The following VCP variants were observed in gnomAD, a reference collection of about 807,000 sequenced individuals.
VCP encodes the protein transitional endoplasmic reticulum ATPase.
A neutral mutation model predicts 85.7 loss-of-function variants in VCP; 6 were observed. The ratio of observed to expected loss-of-function variants is 0.07; its 90% CI spans 0.04 to 0.14. VCP has a LOEUF of 0.14. Among genes scored for constraint, VCP ranks in the 10% least tolerant of loss-of-function variants. The pLI is 1.00. For missense variants in VCP, 353 were observed against 1,043.4 expected (o/e 0.34, Z 9.12); for synonymous variants, 384 against 367.1 (o/e 1.05, Z -0.53).
chr9:35,063,134 A>G, intron 6 of VCP, 54 bp from the exon 7 acceptor site: 1 of 1,551,778 alleles, frequency 6.4e-7, no homozygotes, highest in Non-Finnish European at 8.9e-7. Context: ...AAACCCTAAA[A>G]TGGCTTGACT....
chr9:35,057,503 C>G lies in VCP; in HGVS notation c.2188G>C (p.Glu730Gln). Reference sequence around the variant, plus strand: ...TCTTCAAAGTGATCTCGACGGATCTCAGGCACTGGATCATCCTCTTCTACC... The same window carrying G: ...TCTTCAAAGTGATCTCGACGGATCTGAGGCACTGGATCATCCTCTTCTACC... ...MEVEEDDPVP[E>Q]IRRDHFEEAM... Residue 730 changes from glutamate to glutamine, a missense_variant, in exon 16 of 17, where the codon GAG becomes CAG. Physicochemically the swap from Glu to Gln is conservative, Grantham distance 29. This residue lies in a region of VCP where 93 missense variants were observed against 197.1 expected (regional missense o/e 0.47). Coordinates refer to ENST00000358901, the MANE Select transcript of VCP (RefSeq NM_007126.5). The G allele has an allele frequency of 6.2e-7, 1 of 1,612,598 alleles. No individual in the cohort carries two copies. Among genetic ancestry groups the G allele is most frequent in the Non-Finnish European group, 8.5e-7 (1 of 1,180,038 alleles).
Position 35,064,181 on chromosome 9 carries a change from A to C in VCP, c.681T>G (p.Pro227=). 1 of 1,614,242 alleles carries C rather than the reference A, an allele frequency of 6.2e-7. No homozygotes were observed. Among genetic ancestry groups the C allele is most frequent in the Non-Finnish European group, 8.5e-7 (1 of 1,180,032 alleles). ...KEMVELPLRH[P]ALFKAIGVKP... ...TCACACCAATTGCCTTAAAGAGGGC[A>C]GGATGTCTCAGGGGCAGTTCCACCA... Residue 227 remains proline (P), a synonymous_variant, in exon 6 of 17, where the codon CCT becomes CCG. Transcript: ENST00000358901.
rs1401092893 is a variant in VCP, at chr9:35,059,809, A to G, written c.1696-8T>C. ...GGGGGCAGCTTGGCGGGCCTGTAGG[A>G]GGAATGGATTGATTCAAGCACTAAC... On this transcript the variant is annotated splice_polypyrimidine_tract_variant and splice_region_variant and intron_variant, in intron 13 of 16. Coordinates refer to ENST00000358901, the MANE Select transcript of VCP (RefSeq NM_007126.5). This position sits in a 1 kb window ranked among gnomAD's most constrained non-coding sequence, Gnocchi z 4.9. 9 of 1,613,956 alleles carry G rather than the reference A, an allele frequency of 5.6e-6. No homozygotes were observed. The highest frequency in any genetic ancestry group is 5.9e-6 in the Non-Finnish European group (7 of 1,180,026).
rs755607327 is a variant in VCP at position 35,066,670 on chromosome 9, C to G, written c.445+5G>C. ...ATAATCCTTAAGCTCAGAATTAGCT[C>G]TCACCTTTCCGGATGGGTCGATACG... On this transcript the variant is annotated splice_donor_5th_base_variant and intron_variant, in intron 4 of 16. Transcript: ENST00000358901. The G allele has an allele frequency of 1.2e-6, 2 of 1,614,020 alleles. No homozygotes were observed. The highest frequency in any genetic ancestry group is 1.7e-6 in the Non-Finnish European group (2 of 1,180,004).
chr9:35,067,599 C>T (rs1027333062), intron 3 of VCP, among the ~76,000 whole-genome samples: 2 of 152,080 alleles, frequency 1.3e-5, no homozygotes, highest in African/African-American at 4.8e-5. Flanking sequence ...TATCCTAAGC[C>T]AGGATATAAG....
Position 35,059,574 on chromosome 9 carries a change from C to T in VCP, c.1923G>A (p.Gln641=), listed in dbSNP as rs1563976318. 3 of 1,614,136 alleles carry T rather than the reference C, an allele frequency of 1.9e-6. No homozygotes were observed. The South Asian group carries it at 3.3e-5, about 18-fold the overall frequency. ...PAILRPGRLD[Q]LIYIPLPDEK... is the part of the protein sequence containing the mutation. ...CATCAGGAAGTGGGATGTAGATGAG[C>T]TGATCAAGACGGCCAGGTCTGAGGA... Residue 641 remains glutamine, a synonymous_variant, in exon 14 of 17, where the codon CAG becomes CAA. Coordinates refer to ENST00000358901, the MANE Select transcript of VCP (RefSeq NM_007126.5). This position sits in a 1 kb window ranked among gnomAD's most constrained non-coding sequence, Gnocchi z 4.9.
chr9:35,067,547 G>A (rs1274080184), intron 3 of VCP, among the ~76,000 whole-genome samples: 1 of 152,158 alleles, frequency 6.6e-6, no homozygotes, highest in Non-Finnish European at 1.5e-5. Flanking sequence ...AGTGAGAGTA[G>A]TGAGGAGATT....
intron 3 of VCP, among the ~76,000 whole-genome samples, chr9:35,067,535 C>G (rs1225428138): frequency 1.3e-5 from 2 of 152,120 alleles, no homozygotes; most frequent in Non-Finnish European, 2.9e-5. Context: ...ATTAGACATA[C>G]TAGTGAGAGT....
rs987458943 is a variant in VCP at position 35,056,125 on chromosome 9, A to C, written c.*992T>G. On this transcript the variant is annotated 3_prime_UTR_variant, in exon 17 of 17. Coordinates refer to ENST00000358901, the MANE Select transcript of VCP (RefSeq NM_007126.5). The stretch of plus-strand genomic sequence containing the variant: ...AGTACATAAAATAAAGGTGGACACA[A>C]CTGTAAGTGATCACCAACCAGGGGA... 6.6e-6 allele frequency: 1 copy of C among 152,072 alleles called. No homozygotes were observed. The highest frequency in any genetic ancestry group is 6.5e-5 in the Admixed American group (1 of 15,268). The allele number at this position is 152,072 out of a possible 1,614,324, so 9.4% of individuals were successfully genotyped here.
chr9:35,071,087 A>T (rs188409958), intron 1 of VCP, among the ~76,000 whole-genome samples: 213 of 152,326 alleles, frequency 1.4e-3, no homozygotes, highest in African/African-American at 4.2e-3. Flanking sequence ...CCAGGTTCCA[A>T]GAATTTTAGA....
In VCP at chr9:35,056,157, G is replaced by C. The variant is rs1252059371; in HGVS notation, c.*960C>G. ...GTGATCACCAACCAGGGGATGTTTG[G>C]GATTTTTAGATGCATTAAAAGAGAG... On this transcript the variant is annotated 3_prime_UTR_variant, in exon 17 of 17. Transcript: ENST00000358901. 1 of 151,954 alleles carries C rather than the reference G, an allele frequency of 6.6e-6. No individual in the cohort carries two copies. The highest frequency in any genetic ancestry group is 1.5e-5 in the Non-Finnish European group (1 of 67,998). The allele number at this position is 151,954 out of a possible 1,614,324, so 9.4% of individuals were successfully genotyped here.
chr9:35,068,651 T>C (rs1828881640), intron 1 of VCP, among the ~76,000 whole-genome samples: 2 of 152,066 alleles, frequency 1.3e-5, no homozygotes, highest in African/African-American at 4.8e-5. Context: ...GAAGACATAA[T>C]AGAAATGGAG....
chr9:35,070,230 T>C (rs1399928237), intron 1 of VCP, among the ~76,000 whole-genome samples: 1 of 152,138 alleles, frequency 6.6e-6, no homozygotes, highest in Non-Finnish European at 1.5e-5. Flanking sequence ...CCAGGCACAA[T>C]GCTGCTGAGT....
At chr9:35,063,523 T>C (rs1362109253) in intron 6 of VCP, among the ~76,000 whole-genome samples, 2 of 152,248 alleles carry the variant, frequency 1.3e-5, no homozygotes, top group East Asian at 1.9e-4. Flanking sequence ...CACACTGGAA[T>C]GCTGTTCCTT....
At chr9:35,060,223 C>T in intron 13 of VCP, 90 bp downstream of exon 13, 2 of 1,340,214 alleles carry the variant, frequency 1.5e-6, no homozygotes, top group Non-Finnish European at 2.1e-6. Context: ...GCAGCCAGCA[C>T]TAAGAATATT....
At position 35,059,914 on chromosome 9, in the gene VCP, C is replaced by T. The variant is rs1384636434; in HGVS notation, c.1696-113G>A. ...TTGGGAGGCCAAGGTGGGAGGATCA[C>T]TTGAGGCCAGAAATCCGAAACCAGC... On this transcript the variant is annotated intron_variant, in intron 13 of 16. Transcript: ENST00000358901. The surrounding 1 kb of genome is among the most constrained non-coding windows in gnomAD (Gnocchi z 4.9). The T allele has an allele frequency of 1.4e-6, 2 of 1,386,568 alleles. No individual in the cohort carries two copies. Among genetic ancestry groups the T allele is most frequent in the Non-Finnish European group, 2.0e-6 (2 of 990,774 alleles). The allele number at this position is 1,386,568 out of a possible 1,614,324, so 85.9% of individuals were successfully genotyped here. A position where few individuals can be genotyped will look rare whatever the true frequency, so the allele number is the denominator to read the frequency against.
chr9:35,059,225 A>G lies in VCP; in HGVS notation c.2005-6T>C, dbSNP rs988652510. On this transcript the variant is annotated splice_region_variant and splice_polypyrimidine_tract_variant and intron_variant, in intron 14 of 16. Coordinates refer to ENST00000358901, the MANE Select transcript of VCP (RefSeq NM_007126.5). This position sits in a 1 kb window ranked among gnomAD's most constrained non-coding sequence, Gnocchi z 4.9. ...AGGAACTCCAAGTCCACATCCTAAA[A>G]GCAGCAGCAGAGGTACCTTAGCATT... The G allele has an allele frequency of 1.2e-6, 2 of 1,614,206 alleles. No homozygotes were observed. Among genetic ancestry groups the G allele is most frequent in the African/African-American group, 1.3e-5 (1 of 75,066 alleles).
At position 35,068,481 on chromosome 9, in the gene VCP, C is replaced by T. The variant is rs1828877222; in HGVS notation, c.18-119G>A. ...GAAGCTGTCCCTAGACCAGAAAGCTCAGATGAAGGAAAGGCAGCCAAGGTC... is the reference window on the plus strand; with the variant it reads ...GAAGCTGTCCCTAGACCAGAAAGCTTAGATGAAGGAAAGGCAGCCAAGGTC... On this transcript the variant is annotated intron_variant, in intron 1 of 16. Coordinates refer to ENST00000358901, the MANE Select transcript of VCP (RefSeq NM_007126.5). 6.3e-6 allele frequency: 6 copies of T among 952,452 alleles called. No homozygotes were observed. The South Asian group carries it at 7.8e-5, about 12-fold the overall frequency. The allele number at this position is 952,452 out of a possible 1,614,324, so 59.0% of individuals were successfully genotyped here.
At chr9:35,060,590 G>C (rs1179154757) in intron 12 of VCP, 65 bp from the exon 13 acceptor site, 11 of 1,562,078 alleles carry the variant, frequency 7.0e-6, no homozygotes, top group Non-Finnish European at 9.7e-6. Flanking sequence ...TAACTAAACA[G>C]AAGCATCCCC....
Sources: allele counts gnomAD v4.1 joint callset (sites outside exome capture counted in the v4.1 genomes callset), GRCh38; gene constraint gnomAD v4.1.1; regional missense constraint gnomAD v4.1.1; non-coding constraint Gnocchi (gnomAD v3.1); transcripts MANE v1.5; gene names NCBI Gene and HGNC (gene_info 2026-07-23, HGNC 2026-07-21).